RAMP1: variants seen among roughly 807,000 people sequenced by gnomAD.
RAMP1 encodes the protein receptor activity-modifying protein 1.
Under a neutral mutation model 8.2 loss-of-function variants are expected in RAMP1, and 7 were observed. That is an observed-to-expected ratio of 0.85 (90% CI 0.49 to 1.60). The LOEUF is 1.60. Among genes scored for constraint, RAMP1 ranks in the 40% most tolerant of loss-of-function variants. The pLI is 0.00. For synonymous variants in RAMP1, 92 were observed against 84.7 expected, an observed-to-expected ratio of 1.09 and a Z score of -0.47; for missense variants, 192 against 202.4, an observed-to-expected ratio of 0.95 and a Z score of 0.31.
At chr2:237,867,240 A>G (rs1391655213) in intron 1 of RAMP1, among the ~76,000 whole-genome samples, 2 of 152,094 alleles carry the variant, frequency 1.3e-5, no homozygotes, top group Non-Finnish European at 2.9e-5. Flanking sequence ...ATCTCAAAAA[A>G]ACCCACAGAA....
At chr2:237,896,268 G>C (rs2062541633) in intron 2 of RAMP1, among the ~76,000 whole-genome samples, 1 of 152,248 alleles carries the variant, frequency 6.6e-6, no homozygotes, top group African/African-American at 2.4e-5. Flanking sequence ...CCCGCCTGCT[G>C]TGGCTGCTCT....
intron 2 of RAMP1, among the ~76,000 whole-genome samples, chr2:237,904,270 T>C (rs1422748058): frequency 8.0e-6 from 1 of 125,098 alleles, no homozygotes; most frequent in Non-Finnish European, 1.7e-5. Flanking sequence ...AAAAAAAAAA[T>C]AGCCAGGGCG....
rs1444851334 is a variant in RAMP1 at position 237,878,401 on chromosome 2, C to T, written c.191+1039C>T. 6.6e-6 allele frequency among the ~76,000 whole-genome samples: 1 copy of T among 152,236 alleles called. No homozygotes were observed. Among genetic ancestry groups the T allele is most frequent in the Non-Finnish European group, 1.5e-5 (1 of 68,046 alleles). ...GGTGTCCCCTGAGGGTCCAGACACA[C>T]CCGGGCACAATTCTGTGGGGTTGAA... On this transcript the variant is annotated intron_variant, in intron 2 of 2. Coordinates refer to ENST00000254661, the MANE Select transcript of RAMP1 (RefSeq NM_005855.4). The surrounding 1 kb of genome is among the most constrained non-coding windows in gnomAD (Gnocchi z 5.7).
intron 2 of RAMP1, among the ~76,000 whole-genome samples, chr2:237,884,583 C>G (rs1036050796): frequency 2.0e-5 from 3 of 152,198 alleles, no homozygotes; most frequent in Non-Finnish European, 4.4e-5. Flanking sequence ...TTCCACCCCA[C>G]CCTGTATGGC....
chr2:237,890,608 C>G (rs1416611802), intron 2 of RAMP1, among the ~76,000 whole-genome samples: 1 of 152,236 alleles, frequency 6.6e-6, no homozygotes, highest in Middle Eastern at 3.2e-3. Flanking sequence ...TCTCCAGTTA[C>G]TTCCTCCACT....
At chr2:237,904,642 G>C (rs76883039) in intron 2 of RAMP1, among the ~76,000 whole-genome samples, 1 of 152,132 alleles carries the variant, frequency 6.6e-6, no homozygotes, top group Admixed American at 6.5e-5. Flanking sequence ...CGAATATAAA[G>C]CCAAAAGTGC....
Position 237,877,177 on chromosome 2 carries a change from G to A in RAMP1, c.53-47G>A, listed in dbSNP as rs772634722. 119 of 1,611,158 alleles carry A rather than the reference G, an allele frequency of 7.4e-5. 1 individual carries two copies. Among genetic ancestry groups the A allele is most frequent in the Middle Eastern group, 3.3e-4 (2 of 6,082 alleles). On this transcript the variant is annotated intron_variant, in intron 1 of 2. Coordinates refer to ENST00000254661, the MANE Select transcript of RAMP1 (RefSeq NM_005855.4). This position sits in a 1 kb window ranked among gnomAD's most constrained non-coding sequence, Gnocchi z 4.4. ...GCGCGGGCTGGCGGTGATACCCCTA[G>A]GCCTCTGCTGCCGCCCGCCATCTCT...
At chr2:237,869,108 A>G (rs2062218144) in intron 1 of RAMP1, among the ~76,000 whole-genome samples, 1 of 152,184 alleles carries the variant, frequency 6.6e-6, no homozygotes, top group Admixed American at 6.5e-5. Flanking sequence ...GCATTGTGTG[A>G]AAACCCTGCA....
Position 237,877,210 on chromosome 2 carries a change from C to T in RAMP1, c.53-14C>T, listed in dbSNP as rs186592424. On this transcript the variant is annotated splice_polypyrimidine_tract_variant and intron_variant, in intron 1 of 2. Coordinates refer to ENST00000254661, the MANE Select transcript of RAMP1 (RefSeq NM_005855.4). This position sits in a 1 kb window ranked among gnomAD's most constrained non-coding sequence, Gnocchi z 4.4. ...CTGCCGCCCGCCATCTCTTCATGGC[C>T]GTGTCTATTTCAGCCCATCACCTCT... The T allele has an allele frequency of 1.8e-3, 2,915 of 1,613,624 alleles. 40 individuals carry two copies. In the African/African-American group the frequency reaches 0.022, roughly 12 times the overall value.
At chr2:237,886,895 G>A (rs368908290) in intron 2 of RAMP1, among the ~76,000 whole-genome samples, 40 of 152,318 alleles carry the variant, frequency 2.6e-4, no homozygotes, top group African/African-American at 8.7e-4. Flanking sequence ...GTCTGGTGGC[G>A]GGGGCTCGTC....
At chr2:237,884,770 TACTG>T (rs2062410118) in intron 2 of RAMP1, among the ~76,000 whole-genome samples, 1 of 152,156 alleles carries the variant, frequency 6.6e-6, no homozygotes, top group Admixed American at 6.5e-5. Context: ...GGTTTGTAAA[TACTG>T]ACCATGGTAG....
At chr2:237,891,740 G>A (rs192989188) in intron 2 of RAMP1, among the ~76,000 whole-genome samples, 1 of 152,236 alleles carries the variant, frequency 6.6e-6, no homozygotes, top group Non-Finnish European at 1.5e-5. Context: ...AACCATTAAT[G>A]TTACCTTGTT....
chr2:237,902,743 C>T (rs2062615904), intron 2 of RAMP1, among the ~76,000 whole-genome samples: 1 of 152,192 alleles, frequency 6.6e-6, no homozygotes, highest in Non-Finnish European at 1.5e-5. Flanking sequence ...CCCAGGCTGC[C>T]CCAGACACCA....
chr2:237,893,084 A>G (rs1419281219), intron 2 of RAMP1, among the ~76,000 whole-genome samples: 1 of 152,196 alleles, frequency 6.6e-6, no homozygotes, highest in Non-Finnish European at 1.5e-5. Flanking sequence ...ATACATTCTC[A>G]GAATTCAACA....
At chr2:237,883,154 CTG>C (rs1338262322) in intron 2 of RAMP1, among the ~76,000 whole-genome samples, 1 of 152,170 alleles carries the variant, frequency 6.6e-6, no homozygotes, top group Non-Finnish European at 1.5e-5. Flanking sequence ...GCAGGAGCCT[CTG>C]GGCCAGAGCT....
At chr2:237,902,702 G>A (rs1270574025) in intron 2 of RAMP1, among the ~76,000 whole-genome samples, 1 of 152,202 alleles carries the variant, frequency 6.6e-6, no homozygotes, top group Non-Finnish European at 1.5e-5. Flanking sequence ...TCCCAGCCCT[G>A]CCTGCACATC....
intron 2 of RAMP1, among the ~76,000 whole-genome samples, chr2:237,898,405 A>G (rs1293910501): frequency 6.6e-6 from 1 of 152,180 alleles, no homozygotes; most frequent in Admixed American, 6.5e-5. Context: ...GACCAGCCTG[A>G]TTTAGGAAGG....
At chr2:237,910,345 T>TCA (rs920687135) in intron 2 of RAMP1, among the ~76,000 whole-genome samples, 10 of 145,428 alleles carry the variant, frequency 6.9e-5, no homozygotes, top group East Asian at 6.1e-4. Flanking sequence ...AATAACACAG[T>TCA]CACACACACA....
chr2:237,889,265 G>A (rs1347345496), intron 2 of RAMP1, among the ~76,000 whole-genome samples: 1 of 152,196 alleles, frequency 6.6e-6, no homozygotes, highest in Admixed American at 6.5e-5. Context: ...CACAGACTCT[G>A]TCGTCTCAAT....
Sources: gnomAD v4.1 joint callset for allele counts (sites outside exome capture counted in the v4.1 genomes callset) on GRCh38, gnomAD v4.1.1 for gene constraint, Gnocchi (gnomAD v3.1) non-coding constraint, MANE v1.5 for transcripts, NCBI Gene and HGNC (gene_info 2026-07-23, HGNC 2026-07-21) for gene names.